LARGE1: variants seen among roughly 807,000 people sequenced by gnomAD.
LARGE1 encodes xylosyl- and glucuronyltransferase LARGE1.
A neutral mutation model predicts 87.6 loss-of-function variants in LARGE1; 43 were observed. That is an observed-to-expected ratio of 0.49 (90% CI 0.38 to 0.63). LARGE1 has a LOEUF of 0.63. Ranked by LOEUF, LARGE1 falls within the 30% of genes least tolerant of loss-of-function variation. The pLI is 0.00. For missense variants in LARGE1, 802 were observed against 1,000.2 expected (o/e 0.80, Z 2.67); for synonymous variants, 434 against 394.6 (o/e 1.10, Z -1.18).
chr22:33,665,605 A>T (rs2081245977), intron 2 of LARGE1, among the ~76,000 whole-genome samples: 1 of 152,200 alleles, frequency 6.6e-6, no homozygotes, highest in African/African-American at 2.4e-5. Flanking sequence ...AAAGAAGCAG[A>T]AACAGGGCTG....
intron 1 of LARGE1, among the ~76,000 whole-genome samples, chr22:33,804,116 T>C (rs978800519): frequency 1.3e-5 from 2 of 152,186 alleles, no homozygotes; most frequent in Non-Finnish European, 1.5e-5. Flanking sequence ...GAAGAGAACA[T>C]AGCAATCCTG....
chr22:33,469,387 C>G (rs953587616), intron 6 of LARGE1, among the ~76,000 whole-genome samples: 11 of 152,144 alleles, frequency 7.2e-5, no homozygotes, highest in African/African-American at 2.7e-4. Context: ...TGCAGCAATA[C>G]GGATGGAGCT....
chr22:33,896,931 G>C (rs1272777349), intron 1 of LARGE1, among the ~76,000 whole-genome samples: 4 of 152,136 alleles, frequency 2.6e-5, no homozygotes, highest in Non-Finnish European at 5.9e-5. Flanking sequence ...CCTGATGGTG[G>C]GGTATCAGAG....
At chr22:33,141,004 TA>T in the LARGE1 span, among the ~76,000 whole-genome samples, 1 of 151,900 alleles carries the variant, frequency 6.6e-6, no homozygotes, top group African/African-American at 2.4e-5. Context: ...AAAAAGAAAA[TA>T]TTTTTAACAA....
At chr22:33,803,226 C>T (rs1335352143) in intron 1 of LARGE1, among the ~76,000 whole-genome samples, 2 of 145,638 alleles carry the variant, frequency 1.4e-5, no homozygotes, top group Non-Finnish European at 3.1e-5. Flanking sequence ...AGGGGTTCTG[C>T]TTCTATACAA....
Position 33,852,865 on chromosome 22 carries a change from AAAAAAAAAAAAAAAGAAAG to A in LARGE1, c.-83+67111_-83+67129del, listed in dbSNP as rs1424251680. The stretch of plus-strand genomic sequence containing the variant: ...AGCGAGACTCCGTCTCCAAAAAAAA[AAAAAAAAAAAAAAAGAAAG>A]AAAGAAAGAAAGAAAAGTGATAAGT... On this transcript the variant is annotated intron_variant, in intron 1 of 14. Coordinates refer to ENST00000397394, the MANE Select transcript of LARGE1 (RefSeq NM_133642.5). Among the ~76,000 whole-genome samples the A allele has an allele frequency of 1.7e-4, 18 of 103,392 alleles. No homozygotes were observed. In the East Asian group the frequency reaches 2.8e-3, roughly 16 times the overall value. 67.8% of individuals were successfully genotyped at this position (103,392 alleles called of 152,430 possible). A position where few individuals can be genotyped will look rare whatever the true frequency, so the allele number is the denominator to read the frequency against.
At chr22:33,183,337 GCAGCGGTGTGAAGA>G (rs1472476286) in intron 11 of LARGE1, among the ~76,000 whole-genome samples, 1 of 152,130 alleles carries the variant, frequency 6.6e-6, no homozygotes, top group Non-Finnish European at 1.5e-5. Context: ...ACAAGTGGTA[GCAGCGGTGTGAAGA>G]AAAGGAAACC....
rs56262703 is a variant in LARGE1, at chr22:33,183,620, G to GCACACA, written c.1731-16794_1731-16789dup. 7.6e-3 allele frequency among the ~76,000 whole-genome samples: 1,043 copies of GCACACA among 137,900 alleles called. 15 individuals carry two copies. Among genetic ancestry groups the GCACACA allele is most frequent in the African/African-American group, 0.028 (965 of 34,112 alleles). 90.5% of individuals were successfully genotyped at this position (137,900 alleles called of 152,430 possible). A position where few individuals can be genotyped will look rare whatever the true frequency, so the allele number is the denominator to read the frequency against. ...GGATAAAACACACACACACACACACGCACACACACACACACACACACACAC... is the reference window on the plus strand; with the variant it reads ...GGATAAAACACACACACACACACACGCACACACACACACACACACACACACACACAC... On this transcript the variant is annotated intron_variant, in intron 11 of 11. Coordinates refer to the LARGE1 transcript ENST00000608642.
intron 5 of LARGE1, among the ~76,000 whole-genome samples, chr22:33,568,881 T>C (rs1208351923): frequency 6.6e-6 from 1 of 151,460 alleles, no homozygotes; most frequent in Non-Finnish European, 1.5e-5. Context: ...GATGGATGGA[T>C]GGATGATGGA....
chr22:33,199,572 A>T (rs1219256457), intron 11 of LARGE1, among the ~76,000 whole-genome samples: 5 of 152,182 alleles, frequency 3.3e-5, no homozygotes, highest in African/African-American at 1.2e-4. Context: ...TTTCTTCTCC[A>T]TATGGCTATC....
At chr22:33,295,729 G>C (rs1022417196) in intron 12 of LARGE1, among the ~76,000 whole-genome samples, 1 of 152,154 alleles carries the variant, frequency 6.6e-6, no homozygotes, top group Non-Finnish European at 1.5e-5. Context: ...AGCTTTGTGG[G>C]GACAACAGCA....
intron 1 of LARGE1, among the ~76,000 whole-genome samples, chr22:33,877,689 G>A (rs1000703470): frequency 7.9e-5 from 12 of 152,282 alleles, no homozygotes; most frequent in African/African-American, 2.2e-4. Context: ...TTGGGAGGCT[G>A]AGGTGGGGGG....
chr22:33,305,987 C>T (rs998674994), intron 11 of LARGE1, among the ~76,000 whole-genome samples: 33 of 152,022 alleles, frequency 2.2e-4, no homozygotes, highest in African/African-American at 5.8e-4. Context: ...TACAGCCGCC[C>T]GCTACCACGC....
At position 33,822,763 on chromosome 22, in the gene LARGE1, G is replaced by C. The variant is rs897058354; in HGVS notation, c.-82-61205C>G. Among the ~76,000 whole-genome samples the C allele has an allele frequency of 9.2e-5, 14 of 152,310 alleles. No individual in the cohort carries two copies. In the South Asian group the frequency reaches 2.7e-3, roughly 29 times the overall value. ...AAAAGCTGGTCAGAACAAAGGGGAAGTCGTTAAGGCTATCAGAAATCCTCT... is the reference window on the plus strand; with the variant it reads ...AAAAGCTGGTCAGAACAAAGGGGAACTCGTTAAGGCTATCAGAAATCCTCT... On this transcript the variant is annotated intron_variant, in intron 1 of 14. Transcript: ENST00000397394.
chr22:33,570,284 C>T (rs2078156811), intron 5 of LARGE1, among the ~76,000 whole-genome samples: 1 of 152,134 alleles, frequency 6.6e-6, no homozygotes, highest in African/African-American at 2.4e-5. Context: ...GTTCAGATGA[C>T]TCAGAATTTG....
intron 6 of LARGE1, among the ~76,000 whole-genome samples, chr22:33,506,576 TG>T (rs1458634798): frequency 6.6e-6 from 1 of 152,154 alleles, no homozygotes; most frequent in Middle Eastern, 3.2e-3. Flanking sequence ...GTCTGGCCTT[TG>T]TCTAGCAGGC....
chr22:33,709,587 G>T (rs993034823), intron 2 of LARGE1, among the ~76,000 whole-genome samples: 2 of 150,988 alleles, frequency 1.3e-5, no homozygotes, highest in Admixed American at 6.6e-5. Flanking sequence ...AGGTGGCGTG[G>T]TTGTTTAGAG....
At chr22:33,897,453 G>A (rs919528637) in intron 1 of LARGE1, among the ~76,000 whole-genome samples, 2 of 152,270 alleles carry the variant, frequency 1.3e-5, no homozygotes, top group Admixed American at 1.3e-4. Flanking sequence ...AAAGCAGGAG[G>A]CAAGCTGGGC....
chr22:33,665,901 G>A (rs12160678), intron 2 of LARGE1, among the ~76,000 whole-genome samples: 3 of 150,466 alleles, frequency 2.0e-5, no homozygotes, highest in Non-Finnish European at 3.0e-5. Context: ...CAAGAAAAAA[G>A]AAAAAAAAAA....
Sources: allele counts gnomAD v4.1 joint callset (sites outside exome capture counted in the v4.1 genomes callset), GRCh38; gene constraint gnomAD v4.1.1; transcripts MANE v1.5; gene names NCBI Gene and HGNC (gene_info 2026-07-23, HGNC 2026-07-21).